FOXJ3: variants seen among roughly 807,000 people sequenced by gnomAD.
FOXJ3 encodes forkhead box J3, also known as forkhead box protein J3.
Under a neutral mutation model 76.1 loss-of-function variants are expected in FOXJ3, and 22 were observed. The ratio of observed to expected loss-of-function variants is 0.29; its 90% CI spans 0.21 to 0.41. FOXJ3 has a LOEUF of 0.41. Among genes scored for constraint, FOXJ3 ranks in the 10% least tolerant of loss-of-function variants. FOXJ3 has a pLI of 1.00. For synonymous variants in FOXJ3, 269 were observed against 261.2 expected (o/e 1.03, Z -0.29); for missense variants, 613 against 762.1 (o/e 0.80, Z 2.30).
chr1:42,185,522 A>G (rs1646418221), intron 11 of FOXJ3, among the ~76,000 whole-genome samples: 1 of 151,930 alleles, frequency 6.6e-6, no homozygotes, highest in Non-Finnish European at 1.5e-5. Context: ...GGTCTCCCAA[A>G]GTGAACATAC....
chr1:42,324,356 CATATATACT>C (rs1383906567), intron 1 of FOXJ3, among the ~76,000 whole-genome samples: 17 of 144,230 alleles, frequency 1.2e-4, no homozygotes, highest in African/African-American at 3.1e-4. Context: ...CTATACATAA[CATATATACT>C]ATATATACTA....
chr1:42,236,259 T>TA (rs764214942), intron 4 of FOXJ3, among the ~76,000 whole-genome samples: 2 of 152,176 alleles, frequency 1.3e-5, no homozygotes, highest in Non-Finnish European at 2.9e-5. Context: ...CACACAATCA[T>TA]AGATCAATGC....
chr1:42,319,662 T>G (rs1048225479), intron 1 of FOXJ3, among the ~76,000 whole-genome samples: 1 of 152,212 alleles, frequency 6.6e-6, no homozygotes, highest in African/African-American at 2.4e-5. Flanking sequence ...CTGTATGGTA[T>G]GTGAATTATA....
chr1:42,248,283 C>T (rs568952811), intron 4 of FOXJ3, among the ~76,000 whole-genome samples: 15 of 152,002 alleles, frequency 9.9e-5, no homozygotes, highest in Non-Finnish European at 1.5e-4. Flanking sequence ...GCCTGTAATC[C>T]CAGCACTTTG....
At chr1:42,311,650 A>AAGCAGTAGTAGT (rs1553169328) in intron 1 of FOXJ3, among the ~76,000 whole-genome samples, 1 of 149,414 alleles carries the variant, frequency 6.7e-6, no homozygotes, top group African/African-American at 2.5e-5. Context: ...TTTAAAAAAA[A>AAGCAGTAGTAGT]AGTAGTAGTA....
rs36007346 is a variant in FOXJ3, at chr1:42,185,252, AT to A, written c.1646-3229del. Among the ~76,000 whole-genome samples the A allele has an allele frequency of 2.3e-3, 250 of 108,272 alleles. 1 individual carries two copies. The highest frequency in any genetic ancestry group is 0.011 in the Middle Eastern group (2 of 178). The allele number at this position is 108,272 out of a possible 152,430, so 71.0% of individuals were successfully genotyped here. On this transcript the variant is annotated intron_variant, in intron 11 of 12. Transcript: ENST00000361346. ...AGAAGTGTAGCCCTCAACATACTGA[AT>A]TTTTTTTTTTTTTTTTTTTTTTGAG...
upstream of FOXJ3, chr1:42,335,489 G>A (rs1483209883): frequency 6.6e-6 from 1 of 152,372 alleles, no homozygotes; most frequent in Non-Finnish European, 1.5e-5. Context: ...TGGGAGCAAA[G>A]GCGGCGGAGG....
chr1:42,249,486 C>A (rs1649839944), intron 4 of FOXJ3, among the ~76,000 whole-genome samples: 1 of 152,170 alleles, frequency 6.6e-6, no homozygotes, highest in African/African-American at 2.4e-5. Context: ...TTTCTGGCCC[C>A]AACCTACTGA....
At chr1:42,219,740 C>T (rs1557646896) in intron 5 of FOXJ3, among the ~76,000 whole-genome samples, 1 of 152,120 alleles carries the variant, frequency 6.6e-6, no homozygotes, top group Non-Finnish European at 1.5e-5. Context: ...AGGTGTTTGA[C>T]ACAAAGAAAG....
In FOXJ3 at chr1:42,278,524, T is replaced by A. The variant is rs571197942; in HGVS notation, c.193A>T (p.Thr65Ser). The change falls in exon 3 of 13, where the codon ACT becomes TCT. Residue 65 changes from threonine (T) to serine (S), a missense_variant. By Grantham distance (58) the Thr-to-Ser change is moderately conservative. This residue lies in a region of FOXJ3 where 77 missense variants were observed against 115.1 expected (regional missense o/e 0.67). Transcript: ENST00000361346. ...TGTTGGACTTCTTCCTGGTCCAGAG[T>A]TGTATTTGGGTCAAGGAGTGCATTC... ...KKNALLDPNTTLDQEEVQQHK... is the reference protein window; with the variant it reads ...KKNALLDPNTSLDQEEVQQHK... 3.7e-6 allele frequency: 6 copies of A among 1,614,104 alleles called. No individual in the cohort carries two copies. The Admixed American group carries it at 8.3e-5, about 22-fold the overall frequency.
chr1:42,210,293 C>T (rs955685678), intron 5 of FOXJ3, among the ~76,000 whole-genome samples: 7 of 152,172 alleles, frequency 4.6e-5, no homozygotes, highest in African/African-American at 1.7e-4. Context: ...ACCCGGCCCC[C>T]ATCTGGCTTT....
At chr1:42,220,237 G>C (rs138667351) in intron 5 of FOXJ3, among the ~76,000 whole-genome samples, 1 of 152,282 alleles carries the variant, frequency 6.6e-6, no homozygotes, top group Admixed American at 6.5e-5. Context: ...ACCAGGAAGA[G>C]ACTATTTCAA....
chr1:42,225,423 T>TA (rs1190469028), intron 5 of FOXJ3, among the ~76,000 whole-genome samples: 2 of 151,858 alleles, frequency 1.3e-5, no homozygotes, highest in South Asian at 2.1e-4. Flanking sequence ...CTTCCCACTC[T>TA]AAAAAAAACT....
At chr1:42,333,632 T>C (rs190015069) in intron 1 of FOXJ3, among the ~76,000 whole-genome samples, 22 of 152,280 alleles carry the variant, frequency 1.4e-4, no homozygotes, top group African/African-American at 4.3e-4. Flanking sequence ...CCAGGAGGAA[T>C]AGGCTTCTCT....
chr1:42,184,706 G>C (rs1198541915), intron 11 of FOXJ3, among the ~76,000 whole-genome samples: 1 of 152,124 alleles, frequency 6.6e-6, no homozygotes, highest in African/African-American at 2.4e-5. Context: ...AAAGCAGAGA[G>C]AGAGAACAAG....
At chr1:42,217,882 T>C (rs116186896) in intron 5 of FOXJ3, among the ~76,000 whole-genome samples, 2,595 of 152,280 alleles carry the variant, frequency 0.017, 69 homozygotes, top group African/African-American at 0.06. Flanking sequence ...CTCAATAGTG[T>C]TGTAAAAAAA....
intron 6 of FOXJ3, among the ~76,000 whole-genome samples, chr1:42,201,579 T>C (rs1646765609): frequency 6.6e-6 from 1 of 152,190 alleles, no homozygotes; most frequent in Admixed American, 6.5e-5. Context: ...AATACAACTG[T>C]GTTTGTGATG....
Position 42,310,143 on chromosome 1 carries a change from G to A in FOXJ3, c.44+907C>T, listed in dbSNP as rs1045468944. The stretch of plus-strand genomic sequence containing the variant: ...TCTAATTAAATTGAGTAGAAAGCAG[G>A]TTTAGGTTTTTTTTTTTTTTTTGAG... On this transcript the variant is annotated intron_variant, in intron 2 of 12. Coordinates refer to ENST00000361346, the MANE Select transcript of FOXJ3 (RefSeq NM_014947.5). Among the ~76,000 whole-genome samples, 5 of 150,798 alleles carry A rather than the reference G, an allele frequency of 3.3e-5. No homozygotes were observed. The East Asian group carries it at 9.7e-4, about 29-fold the overall frequency.
intron 5 of FOXJ3, among the ~76,000 whole-genome samples, chr1:42,224,948 G>T (rs569635724): frequency 6.6e-6 from 1 of 151,776 alleles, no homozygotes; most frequent in Non-Finnish European, 1.5e-5. Flanking sequence ...TTAGCTGGGC[G>T]TGGTGGTAGT....
Sources: allele counts gnomAD v4.1 joint callset (sites outside exome capture counted in the v4.1 genomes callset), GRCh38; gene constraint gnomAD v4.1.1; regional missense constraint gnomAD v4.1.1; transcripts MANE v1.5; gene names NCBI Gene and HGNC (gene_info 2026-07-23, HGNC 2026-07-21).